Variants in SBF2 observed in about 807,000 individuals in gnomAD.
SBF2 encodes SET binding factor 2, also known as myotubularin-related protein 13.
A neutral mutation model predicts 225.2 loss-of-function variants in SBF2; 112 were observed. The observed-to-expected ratio is 0.50, with a 90% CI of 0.43 to 0.58. SBF2 has a LOEUF of 0.58. SBF2 is among the 20% of genes least tolerant of loss of function. The probability of loss-of-function intolerance (pLI) is 0.00; values close to 1 mark genes in which losing one functional copy is unlikely to be tolerated. For synonymous variants in SBF2, 763 were observed against 773.3 expected (o/e 0.99, Z 0.22); for missense variants, 1,996 against 2,206.2 (o/e 0.90, Z 1.91).
At chr11:9,979,913 C>G (rs1255510487) in intron 13 of SBF2, among the ~76,000 whole-genome samples, 1 of 150,914 alleles carries the variant, frequency 6.6e-6, no homozygotes, top group Non-Finnish European at 1.5e-5. Context: ...TGGCTGAACT[C>G]CTGGGCTCAA....
chr11:10,229,204 T>C (rs901199852), intron 1 of SBF2, among the ~76,000 whole-genome samples: 5 of 152,192 alleles, frequency 3.3e-5, no homozygotes, highest in Admixed American at 6.5e-5. Context: ...GATTCTTCTC[T>C]CTTTTCTTCT....
intron 37 of SBF2, 65 bp from the exon 38 acceptor site, chr11:9,784,503 G>T: frequency 8.0e-7 from 1 of 1,245,112 alleles, no homozygotes; most frequent in Non-Finnish European, 1.2e-6. Flanking sequence ...TAAAGGGGAG[G>T]GGATATCTGT....
Position 9,968,091 on chromosome 11 carries a change from A to G in SBF2, c.1600+250T>C, listed in dbSNP as rs1005724485. ...TCGCACATTTTACATTGGTGAATTT[A>G]CAGTATGTAACATATCTCAATAAAG... is the stretch of plus-strand genomic sequence containing the variant. On this transcript the variant is annotated intron_variant, in intron 14 of 39. Coordinates refer to ENST00000256190, the MANE Select transcript of SBF2 (RefSeq NM_030962.4). Among the ~76,000 whole-genome samples, 140 of 151,980 alleles carry G rather than the reference A, an allele frequency of 9.2e-4. 1 individual carries two copies. The highest frequency in any genetic ancestry group is 7.4e-5 in the Non-Finnish European group (5 of 67,962).
At chr11:10,071,947 T>C (rs1950898105) in intron 2 of SBF2, among the ~76,000 whole-genome samples, 1 of 152,172 alleles carries the variant, frequency 6.6e-6, no homozygotes, top group Non-Finnish European at 1.5e-5. Flanking sequence ...TGTAGGGAAA[T>C]CATTCAAGTT....
chr11:9,815,269 C>T (rs1854392690), intron 29 of SBF2, among the ~76,000 whole-genome samples: 1 of 124,978 alleles, frequency 8.0e-6, no homozygotes, highest in Admixed American at 9.3e-5. Context: ...GAAACCCCAT[C>T]TCTACTAAAA....
At chr11:9,997,098 A>G (rs1188477477) in intron 9 of SBF2, among the ~76,000 whole-genome samples, 1 of 152,242 alleles carries the variant, frequency 6.6e-6, no homozygotes, top group Non-Finnish European at 1.5e-5. Flanking sequence ...TGATAACAAA[A>G]AGACTAACAC....
At position 9,839,705 on chromosome 11, in the gene SBF2, G is replaced by A. The variant is rs371439410; in HGVS notation, c.3257-9C>T. On this transcript the variant is annotated splice_polypyrimidine_tract_variant and intron_variant, in intron 25 of 39. Coordinates refer to ENST00000256190, the MANE Select transcript of SBF2 (RefSeq NM_030962.4). ...CTCACTCTCATCTGAAACTGTGATGGTAGAGACAGATATCGAAGAAATGAT... is the reference window on the plus strand; with the variant it reads ...CTCACTCTCATCTGAAACTGTGATGATAGAGACAGATATCGAAGAAATGAT... 20 of 1,609,964 alleles carry A rather than the reference G, an allele frequency of 1.2e-5. No homozygotes were observed. The African/African-American group carries it at 2.7e-4, about 22-fold the overall frequency.
At chr11:10,183,290 T>A (rs16907552) in intron 2 of SBF2, among the ~76,000 whole-genome samples, 1 of 152,046 alleles carries the variant, frequency 6.6e-6, no homozygotes, top group Non-Finnish European at 1.5e-5. Flanking sequence ...TCCTTTCCAA[T>A]GGTAAATAGT....
At chr11:10,250,919 C>A (rs1164246213) in intron 1 of SBF2, among the ~76,000 whole-genome samples, 1 of 152,182 alleles carries the variant, frequency 6.6e-6, no homozygotes, top group Admixed American at 6.5e-5. Flanking sequence ...GCAAGTTTCT[C>A]CCCAGAAGAA....
rs1854010179 is a variant in SBF2, at chr11:9,808,996, T to G, written c.4162A>C (p.Arg1388=). The G allele has an allele frequency of 6.2e-7, 1 of 1,613,324 alleles. No homozygotes were observed. Among genetic ancestry groups the G allele is most frequent in the Admixed American group, 1.7e-5 (1 of 60,032 alleles). The part of the protein sequence containing the change: ...GDSEWFPQLH[R]IMQLAVVVSE... ...ACAACCACAGCCAGCTGCATTATCC[T>G]GTGAAGCTAAGAGACAGGAAGGAGA... The change falls in exon 31 of 40, where the codon AGG becomes CGG. Residue 1388 remains arginine (R), a synonymous_variant. Transcript: ENST00000256190.
At chr11:9,785,098 C>T in intron 37 of SBF2, 27 bp downstream of exon 37, 3 of 1,610,258 alleles carry the variant, frequency 1.9e-6, no homozygotes, top group Non-Finnish European at 2.5e-6. Flanking sequence ...AAGTCTTCAG[C>T]ACAGCGAGCA....
At chr11:9,883,738 C>T in intron 17 of SBF2, among the ~76,000 whole-genome samples, 1 of 152,060 alleles carries the variant, frequency 6.6e-6, no homozygotes, top group South Asian at 2.1e-4. Context: ...CAAGAAAGAG[C>T]TGAATAAATA....
chr11:9,825,981 C>T (rs571547648), intron 28 of SBF2, among the ~76,000 whole-genome samples: 1 of 152,270 alleles, frequency 6.6e-6, no homozygotes, highest in African/African-American at 2.4e-5. Flanking sequence ...GCTTGTTCAA[C>T]ATTTTTTTAA....
upstream of SBF2, among the ~76,000 whole-genome samples, chr11:10,298,664 T>G (rs1160289974): frequency 2.0e-5 from 3 of 152,182 alleles, no homozygotes; most frequent in African/African-American, 7.2e-5. Flanking sequence ...GGTGGAAAAT[T>G]CCCTGATCCA....
At chr11:10,057,030 C>T (rs1950279079) in intron 2 of SBF2, among the ~76,000 whole-genome samples, 1 of 152,198 alleles carries the variant, frequency 6.6e-6, no homozygotes, top group South Asian at 2.1e-4. Flanking sequence ...AGCAACAGGT[C>T]TGTACCTCCC....
chr11:9,990,056 A>T (rs1320706782), intron 12 of SBF2, among the ~76,000 whole-genome samples: 5 of 152,192 alleles, frequency 3.3e-5, no homozygotes, highest in Admixed American at 6.5e-5. Context: ...AATAAGATGG[A>T]AGAACAAGAT....
At chr11:10,046,897 C>G (rs889359145) in intron 2 of SBF2, among the ~76,000 whole-genome samples, 1 of 142,674 alleles carries the variant, frequency 7.0e-6, no homozygotes, top group Non-Finnish European at 1.6e-5. Flanking sequence ...AAAAAAAAAC[C>G]CATCCCTGGA....
intron 2 of SBF2, among the ~76,000 whole-genome samples, chr11:10,167,029 A>C (rs1003033997): frequency 1.3e-5 from 2 of 152,014 alleles, no homozygotes; most frequent in African/African-American, 2.4e-5. Context: ...CAGTTAAGCA[A>C]CTGCTCAGTT....
intron 33 of SBF2, among the ~76,000 whole-genome samples, chr11:9,791,821 G>C (rs956792356): frequency 2.0e-5 from 3 of 152,200 alleles, no homozygotes; most frequent in African/African-American, 7.2e-5. Flanking sequence ...ATAGGCTCTA[G>C]GCACCTTTGT....
Sources: allele counts gnomAD v4.1 joint callset (sites outside exome capture counted in the v4.1 genomes callset), GRCh38; gene constraint gnomAD v4.1.1; transcripts MANE v1.5; gene names NCBI Gene and HGNC (gene_info 2026-07-23, HGNC 2026-07-21).